The following FAM168A variants were observed in gnomAD, a reference collection of about 807,000 sequenced individuals.
FAM168A encodes the protein family with sequence similarity 168 member A.
Under a neutral mutation model 28.5 loss-of-function variants are expected in FAM168A, and 3 were observed. That is an observed-to-expected ratio of 0.11 (90% CI 0.05 to 0.27). The LOEUF is 0.27. FAM168A is among the 10% of genes least tolerant of loss of function. The pLI is 1.00. For synonymous variants in FAM168A, 122 were observed against 124.2 expected, an observed-to-expected ratio of 0.98 and a Z score of 0.12; for missense variants, 222 against 311.5, an observed-to-expected ratio of 0.71 and a Z score of 2.16.
chr11:73,508,414 T>C (rs149584960), intron 1 of FAM168A, among the ~76,000 whole-genome samples: 178 of 152,264 alleles, frequency 1.2e-3, no homozygotes, highest in Non-Finnish European at 1.2e-3. Flanking sequence ...TAATACACAA[T>C]AAAATATGAG....
chr11:73,574,474 C>T (rs904020477), intron 1 of FAM168A, among the ~76,000 whole-genome samples: 8 of 152,136 alleles, frequency 5.3e-5, no homozygotes, highest in African/African-American at 1.9e-4. Context: ...AAACAAATTA[C>T]CTAGATGGAA....
chr11:73,497,791 T>C (rs1478427936), intron 1 of FAM168A, among the ~76,000 whole-genome samples: 1 of 151,966 alleles, frequency 6.6e-6, no homozygotes, highest in Non-Finnish European at 1.5e-5. Context: ...TTAGGAGAAA[T>C]ACCTAATGTA....
At chr11:73,552,352 T>C (rs957828458) in intron 1 of FAM168A, among the ~76,000 whole-genome samples, 1 of 152,242 alleles carries the variant, frequency 6.6e-6, no homozygotes, top group Non-Finnish European at 1.5e-5. Flanking sequence ...GGGCATTCAA[T>C]ACATGGTAAC....
At chr11:73,518,487 G>A (rs1436231764) in intron 1 of FAM168A, among the ~76,000 whole-genome samples, 6 of 151,936 alleles carry the variant, frequency 3.9e-5, no homozygotes, top group African/African-American at 1.5e-4. Flanking sequence ...GGCCTAGTGG[G>A]AGGTATGTAG....
At chr11:73,431,172 T>C (rs1448003097) in intron 2 of FAM168A, among the ~76,000 whole-genome samples, 1 of 151,990 alleles carries the variant, frequency 6.6e-6, no homozygotes, top group African/African-American at 2.4e-5. Context: ...TGAAACCCCG[T>C]CTCTACTAAA....
At position 73,488,157 on chromosome 11, in the gene FAM168A, G is replaced by T. The variant is rs552655103; in HGVS notation, c.-18-19665C>A. Among the ~76,000 whole-genome samples the T allele has an allele frequency of 2.7e-5, 4 of 149,780 alleles. No homozygotes were observed. The South Asian group carries it at 8.4e-4, about 32-fold the overall frequency. On this transcript the variant is annotated intron_variant, in intron 1 of 7. Coordinates refer to ENST00000356467, the MANE Select transcript of FAM168A (RefSeq NM_015159.3). ...TTTTTTTTTTTTCTTTTTAGACGAA[G>T]TCTCACTCTATTGCCCAGGCTGGAG...
chr11:73,506,631 A>C (rs1855122927), intron 1 of FAM168A, among the ~76,000 whole-genome samples: 2 of 152,208 alleles, frequency 1.3e-5, no homozygotes, highest in African/African-American at 2.4e-5. Flanking sequence ...ATCCATTAGA[A>C]GCAGAGAATA....
intron 2 of FAM168A, among the ~76,000 whole-genome samples, chr11:73,457,393 T>TAA (rs1023456348): frequency 7.1e-6 from 1 of 141,384 alleles, no homozygotes; most frequent in African/African-American, 2.6e-5. Flanking sequence ...CCATCTCGTT[T>TAA]AAAAAAAAAA....
intron 2 of FAM168A, among the ~76,000 whole-genome samples, chr11:73,434,307 T>G (rs954564670): frequency 6.6e-6 from 1 of 152,130 alleles, no homozygotes; most frequent in African/African-American, 2.4e-5. Flanking sequence ...TGGATAAATA[T>G]TAAACATAAA....
chr11:73,446,641 T>C (rs765984779), intron 2 of FAM168A, among the ~76,000 whole-genome samples: 2 of 152,182 alleles, frequency 1.3e-5, no homozygotes, highest in African/African-American at 4.8e-5. Context: ...AAGTCCAACA[T>C]CAAGTCCTAA....
intron 1 of FAM168A, among the ~76,000 whole-genome samples, chr11:73,533,418 G>C (rs930793052): frequency 1.4e-4 from 22 of 152,114 alleles, no homozygotes; most frequent in African/African-American, 5.3e-4. Flanking sequence ...TTTACTACTA[G>C]TAGAGTCCCT....
intron 1 of FAM168A, among the ~76,000 whole-genome samples, chr11:73,473,917 A>G (rs11235771): frequency 2.6e-5 from 4 of 151,658 alleles, no homozygotes; most frequent in Non-Finnish European, 5.9e-5. Context: ...AGGTTCAAGC[A>G]ATCTGCCTCA....
chr11:73,501,352 C>T (rs998219455), intron 1 of FAM168A, among the ~76,000 whole-genome samples: 4 of 152,166 alleles, frequency 2.6e-5, no homozygotes, highest in South Asian at 2.1e-4. Context: ...ACCTGGTAGA[C>T]GTCTACAGAA....
chr11:73,501,042 T>C (rs1175357137), intron 1 of FAM168A, among the ~76,000 whole-genome samples: 3 of 148,910 alleles, frequency 2.0e-5, no homozygotes, highest in Non-Finnish European at 4.4e-5. Context: ...GGGGTTGCAA[T>C]CCTAGTCTCT....
chr11:73,563,689 T>A (rs576816172), intron 1 of FAM168A, among the ~76,000 whole-genome samples: 30 of 152,312 alleles, frequency 2.0e-4, no homozygotes, highest in Non-Finnish European at 4.1e-4. Context: ...AACAACCCTT[T>A]GAGCCAGGCA....
chr11:73,412,467 C>T (rs73542967), intron 4 of FAM168A, among the ~76,000 whole-genome samples: 12,396 of 152,192 alleles, frequency 0.081, 648 homozygotes, highest in Non-Finnish European at 0.11. Context: ...TTTAATCCTC[C>T]GGAAAAGAGT....
intron 1 of FAM168A, among the ~76,000 whole-genome samples, chr11:73,546,476 G>A (rs1234411679): frequency 6.6e-6 from 1 of 152,152 alleles, no homozygotes; most frequent in East Asian, 1.9e-4. Context: ...TCAACACCTT[G>A]TAATCCAGCA....
chr11:73,441,573 A>T (rs978855296), intron 2 of FAM168A, among the ~76,000 whole-genome samples: 7 of 152,130 alleles, frequency 4.6e-5, no homozygotes, highest in African/African-American at 1.7e-4. Context: ...CCATTTTTTC[A>T]AAGAGTTTGT....
chr11:73,479,262 C>T (rs1590805668), intron 1 of FAM168A, among the ~76,000 whole-genome samples: 1 of 152,136 alleles, frequency 6.6e-6, no homozygotes, highest in Non-Finnish European at 1.5e-5. Context: ...CTATACATAC[C>T]TCTGTGCTTC....
Sources: gnomAD v4.1 joint callset for allele counts (sites outside exome capture counted in the v4.1 genomes callset) on GRCh38, gnomAD v4.1.1 for gene constraint, MANE v1.5 for transcripts, NCBI Gene and HGNC (gene_info 2026-07-23, HGNC 2026-07-21) for gene names.